The following ADGRE2 variants were observed in gnomAD, a reference collection of about 807,000 sequenced individuals.
ADGRE2 encodes adhesion G protein-coupled receptor E2, also known as CD97 antigen.
A neutral mutation model predicts 100.8 loss-of-function variants in ADGRE2; 83 were observed. The ratio of observed to expected loss-of-function variants is 0.82; its 90% CI spans 0.69 to 0.99. The LOEUF is 0.99. ADGRE2 is among the 50% of genes least tolerant of loss of function. The probability of loss-of-function intolerance (pLI) is 0.00; values close to 1 mark genes in which losing one functional copy is unlikely to be tolerated. For synonymous variants in ADGRE2, 355 were observed against 413.0 expected (o/e 0.86, Z 1.70); for missense variants, 814 against 1,035.7 (o/e 0.79, Z 2.94).
chr19:14,727,276 C>T, the ADGRE2 span, among the ~76,000 whole-genome samples: 6 of 152,242 alleles, frequency 3.9e-5, no homozygotes, highest in South Asian at 2.1e-4. Context: ...GATCCGCCCG[C>T]CTTGGCCTCC....
downstream of ADGRE2, among the ~76,000 whole-genome samples, chr19:14,730,079 G>A (rs535935279): frequency 1.3e-5 from 2 of 152,240 alleles, no homozygotes; most frequent in East Asian, 3.9e-4. Context: ...TTGAGATGGA[G>A]TCTCGCTCTG....
At chr19:14,738,964 CT>C (rs1234914687) in intron 20 of ADGRE2, among the ~76,000 whole-genome samples, 4 of 131,318 alleles carry the variant, frequency 3.0e-5, no homozygotes, top group East Asian at 2.1e-4. Context: ...CTTTTCTTTT[CT>C]TTTCTTTTTT....
At chr19:14,762,751 C>A (rs1216388327) in intron 11 of ADGRE2, among the ~76,000 whole-genome samples, 1 of 152,046 alleles carries the variant, frequency 6.6e-6, no homozygotes, top group Non-Finnish European at 1.5e-5. Context: ...TCAAGTGATT[C>A]TCCTGCCTCA....
At chr19:14,776,597 T>C (rs2044449349) in intron 2 of ADGRE2, 129 bp downstream of exon 2, 1 of 1,121,620 alleles carries the variant, frequency 8.9e-7, no homozygotes, top group Non-Finnish European at 1.3e-6. Flanking sequence ...GAGTGCCTGC[T>C]TGACCATGTG....
At chr19:14,777,196 G>T (rs2044475893) in intron 1 of ADGRE2, 1 of 550,826 alleles carries the variant, frequency 1.8e-6, no homozygotes, top group Non-Finnish European at 2.3e-6. Flanking sequence ...TCTTCCCTGG[G>T]CAGGCACGCA....
intron 1 of ADGRE2, among the ~76,000 whole-genome samples, chr19:14,777,426 T>C (rs2044480865): frequency 6.6e-6 from 1 of 152,354 alleles, no homozygotes; most frequent in Admixed American, 6.5e-5. Context: ...GCTCAGGAGT[T>C]TGAGACCAGC....
chr19:14,761,393 A>G (rs113177002), intron 11 of ADGRE2, among the ~76,000 whole-genome samples: 2,357 of 152,180 alleles, frequency 0.015, 54 homozygotes, highest in African/African-American at 0.052. Context: ...TTGACAGAGC[A>G]AGACTCTGTC....
rs779879269 is a variant in ADGRE2 at position 14,755,647 on chromosome 19, C to T, written c.1416+7G>A. On this transcript the variant is annotated splice_region_variant and intron_variant, in intron 13 of 20. Transcript: ENST00000315576. The stretch of plus-strand genomic sequence containing the variant: ...TTCACCCACCAACCAACTCCACCAG[C>T]ACTCACACGGTGGGAGAAGGTGAAG... 5 of 1,612,556 alleles carry T rather than the reference C, an allele frequency of 3.1e-6. No homozygotes were observed. The highest frequency in any genetic ancestry group is 1.7e-5 in the Admixed American group (1 of 60,016).
chr19:14,758,463 A>G (rs1222183790), intron 11 of ADGRE2, among the ~76,000 whole-genome samples: 2 of 152,244 alleles, frequency 1.3e-5, no homozygotes, highest in African/African-American at 2.4e-5. Flanking sequence ...CAAAACCACA[A>G]TGAGGTATCA....
chr19:14,728,761 G>T (rs1375903416), downstream of ADGRE2, among the ~76,000 whole-genome samples: 11 of 152,210 alleles, frequency 7.2e-5, no homozygotes, highest in Admixed American at 7.2e-4. Context: ...AGTGAAACCA[G>T]CACTGAGGCA....
chr19:14,778,360 G>T lies in ADGRE2; in HGVS notation c.-275C>A. The stretch of plus-strand genomic sequence containing the variant: ...GGAGTTTGAGGCTGCGGTGAGCTAA[G>T]ATGGTGCCACTGCACTCCAGCTTGG... On this transcript the variant is annotated 5_prime_UTR_variant, in exon 1 of 21. Transcript: ENST00000315576. 3.6e-6 allele frequency: 1 copy of T among 279,866 alleles called. No individual in the cohort carries two copies. The highest frequency in any genetic ancestry group is 5.4e-6 in the Non-Finnish European group (1 of 184,698). 17.3% of individuals were successfully genotyped at this position (279,866 alleles called of 1,614,324 possible).
rs1029358856 is a variant in ADGRE2 at position 14,772,560 on chromosome 19, C to T, written c.200-63G>A. On this transcript the variant is annotated intron_variant, in intron 4 of 20. Coordinates refer to ENST00000315576, the MANE Select transcript of ADGRE2 (RefSeq NM_013447.4). ...TGTGAGTTCCGTCAGGGCAGAGACC[C>T]CCGTCCTGACTCCCCAACATGGGGC... is the stretch of plus-strand genomic sequence containing the variant. 32 of 1,576,894 alleles carry T rather than the reference C, an allele frequency of 2.0e-5. No individual in the cohort carries two copies. The Middle Eastern group carries it at 1.0e-3, about 50-fold the overall frequency.
Position 14,755,103 on chromosome 19 carries a change from G to A in ADGRE2, c.1441C>T (p.Leu481Phe). The A allele has an allele frequency of 6.2e-7, 1 of 1,613,990 alleles. No individual in the cohort carries two copies. The highest frequency in any genetic ancestry group is 8.5e-7 in the Non-Finnish European group (1 of 1,179,990). The change falls in exon 14 of 21, where the codon CTC becomes TTC. Residue 481 changes from leucine (L) to phenylalanine (F), a missense_variant. Transcript: ENST00000315576. Reference sequence around the variant, plus strand: ...TGGCCATGCTCCCAGAAGACACAGAGCACCTTCTGTCTCGGGATCACTGAC... The same window carrying A: ...TGGCCATGCTCCCAGAAGACACAGAACACCTTCTGTCTCGGGATCACTGAC... The part of the protein sequence containing the change: ...HRSVIPRQKV[L>F]CVFWEHGQNG...
intron 11 of ADGRE2, among the ~76,000 whole-genome samples, chr19:14,758,881 T>G (rs974233242): frequency 2.7e-4 from 4 of 14,680 alleles, no homozygotes; most frequent in African/African-American, 1.6e-3. Flanking sequence ...CACGACTCCG[T>G]CTCAAAAAAA....
intron 20 of ADGRE2, among the ~76,000 whole-genome samples, chr19:14,738,253 G>C (rs1375588313): frequency 6.6e-6 from 1 of 152,184 alleles, no homozygotes; most frequent in Non-Finnish European, 1.5e-5. Context: ...TGACCTCGGA[G>C]CTCCAGGGTT....
intron 6 of ADGRE2, among the ~76,000 whole-genome samples, 189 bp downstream of exon 6, chr19:14,766,789 G>A (rs1055066680): frequency 1.3e-5 from 2 of 152,220 alleles, no homozygotes; most frequent in African/African-American, 2.4e-5. Context: ...AGCCCTGAAG[G>A]CCCTGCCGCC....
chr19:14,736,984 A>G (rs1342193004), intron 20 of ADGRE2, among the ~76,000 whole-genome samples: 2 of 148,694 alleles, frequency 1.3e-5, no homozygotes, highest in African/African-American at 4.9e-5. Context: ...TTGAAAAAGA[A>G]ATAAGAAATT....
Position 14,735,896 on chromosome 19 carries a change from T to C in ADGRE2, c.*340A>G. ...TCTTAGGCTCGTTTTCCTGCTTCAT[T>C]TTAAGATTTGGAGGAGTCTTTGTAG... On this transcript the variant is annotated 3_prime_UTR_variant, in exon 21 of 21. Coordinates refer to ENST00000315576, the MANE Select transcript of ADGRE2 (RefSeq NM_013447.4). The C allele has an allele frequency of 5.2e-6, 1 of 193,158 alleles. No homozygotes were observed. 12.0% of individuals were successfully genotyped at this position (193,158 alleles called of 1,614,324 possible).
chr19:14,727,230 G>C, the ADGRE2 span, among the ~76,000 whole-genome samples: 1 of 151,928 alleles, frequency 6.6e-6, no homozygotes, highest in African/African-American at 2.4e-5. Context: ...GGGTTTCACC[G>C]TGCTAGCCAG....
Sources: gnomAD v4.1 joint callset for allele counts (sites outside exome capture counted in the v4.1 genomes callset) on GRCh38, gnomAD v4.1.1 for gene constraint, MANE v1.5 for transcripts, NCBI Gene and HGNC (gene_info 2026-07-23, HGNC 2026-07-21) for gene names.